Variants in DYM observed in about 807,000 individuals in gnomAD.
DYM encodes the protein dyggve-Melchior-Clausen syndrome protein.
Under a neutral mutation model 93.1 loss-of-function variants are expected in DYM, and 78 were observed. That is an observed-to-expected ratio of 0.84 (90% CI 0.70 to 1.01). The LOEUF (loss-of-function observed/expected upper bound fraction) is 1.01. Ranked by LOEUF, DYM falls within the 50% of genes least tolerant of loss-of-function variation. The pLI, the probability that DYM is intolerant of heterozygous loss-of-function variation, is 0.00. For missense variants in DYM, 789 were observed against 845.0 expected (o/e 0.93, Z 0.82); for synonymous variants, 321 against 319.7 (o/e 1.00, Z -0.04).
At chr18:49,221,901 TGTA>T (rs945516808) in intron 13 of DYM, among the ~76,000 whole-genome samples, 92 of 151,672 alleles carry the variant, frequency 6.1e-4, no homozygotes, top group African/African-American at 2.2e-3. Context: ...AAACTTAAAC[TGTA>T]ATAATAATAA....
chr18:49,266,269 C>T (rs755229377), intron 11 of DYM, among the ~76,000 whole-genome samples: 1 of 152,152 alleles, frequency 6.6e-6, no homozygotes, highest in African/African-American at 2.4e-5. Context: ...ATTCTAACAT[C>T]TTAGCTTTCC....
chr18:49,120,862 G>A (rs1270100656), intron 15 of DYM, among the ~76,000 whole-genome samples: 1 of 152,032 alleles, frequency 6.6e-6, no homozygotes, highest in Non-Finnish European at 1.5e-5. Flanking sequence ...CACCTAGGCT[G>A]GAGTGCAGTG....
Position 49,038,925 on chromosome 18 carries a change from A to G in DYM, c.*5130T>C, listed in dbSNP as rs564789548. 6.6e-6 allele frequency among the ~76,000 whole-genome samples: 1 copy of G among 152,326 alleles called. No homozygotes were observed. Among genetic ancestry groups the G allele is most frequent in the Admixed American group, 6.5e-5 (1 of 15,302 alleles). ...CCCACATAAATCCTTTCATTTTCAT[A>G]CATTTTATTTCTCTATATATTTAAA... is the stretch of plus-strand genomic sequence containing the variant. On this transcript the variant is annotated 3_prime_UTR_variant, in exon 18 of 18. Transcript: ENST00000675505.
rs536490945 is a variant in DYM at position 49,362,394 on chromosome 18, G to A, written c.494+767C>T. 2.0e-5 allele frequency among the ~76,000 whole-genome samples: 3 copies of A among 152,212 alleles called. No individual in the cohort carries two copies. The South Asian group carries it at 6.2e-4, about 32-fold the overall frequency. ...TTTCGAATCACAAAGGAATTGCATT[G>A]AGCTGCAGTGACAGAAGCCCAGTTA... is the stretch of plus-strand genomic sequence containing the variant. On this transcript the variant is annotated intron_variant, in intron 6 of 17. Transcript: ENST00000675505.
intron 17 of DYM, among the ~76,000 whole-genome samples, chr18:49,073,248 C>T (rs2077035068): frequency 6.6e-6 from 1 of 152,116 alleles, no homozygotes; most frequent in South Asian, 2.1e-4. Context: ...AACTAAAAGG[C>T]AATTCTCATA....
chr18:49,418,602 C>T (rs1327881182), intron 2 of DYM, among the ~76,000 whole-genome samples: 1 of 152,150 alleles, frequency 6.6e-6, no homozygotes, highest in East Asian at 1.9e-4. Flanking sequence ...CTAAAAATTG[C>T]AGCAAACATC....
In DYM at chr18:49,043,902, C is replaced by T. The variant is rs1386049242; in HGVS notation, c.*153G>A. 4.4e-6 allele frequency: 4 copies of T among 916,076 alleles called. No homozygotes were observed. The highest frequency in any genetic ancestry group is 6.7e-6 in the Non-Finnish European group (4 of 595,416). The allele number at this position is 916,076 out of a possible 1,614,324, so 56.7% of individuals were successfully genotyped here. A position where few individuals can be genotyped will look rare whatever the true frequency, so the allele number is the denominator to read the frequency against. ...TCTATTGCCAACTAGCACCAATTCT[C>T]CAAATCAAAGTGTGTGAGGAAAACA... On this transcript the variant is annotated 3_prime_UTR_variant, in exon 18 of 18. Coordinates refer to ENST00000675505, the MANE Select transcript of DYM (RefSeq NM_001353214.3).
rs1325862395 is a variant in DYM, at chr18:49,430,365, A to AGTT, written c.29_30insAAC (p.Asp10delinsGluThr). On this transcript the variant is annotated protein_altering_variant, in exon 2 of 18. Coordinates refer to ENST00000675505, the MANE Select transcript of DYM (RefSeq NM_001353214.3). ...TTTTCAAGTACTCATTTTTAGGAAG[A>AGTT]TCGCCGATTCTGCTGCTATTCGATC... The AGTT allele has an allele frequency of 4.3e-6, 7 of 1,613,850 alleles. No homozygotes were observed. Among genetic ancestry groups the AGTT allele is most frequent in the Non-Finnish European group, 5.9e-6 (7 of 1,180,008 alleles).
intron 17 of DYM, among the ~76,000 whole-genome samples, chr18:49,073,072 C>T (rs773137928): frequency 3.3e-5 from 5 of 152,130 alleles, no homozygotes; most frequent in Non-Finnish European, 5.9e-5. Context: ...TGAACACATA[C>T]GTGGATAAAT....
chr18:49,351,223 A>T (rs994024923), intron 6 of DYM, among the ~76,000 whole-genome samples: 8 of 152,106 alleles, frequency 5.3e-5, no homozygotes, highest in Admixed American at 5.2e-4. Context: ...GGAGCTCAAG[A>T]CCAGCCTGGC....
intron 5 of DYM, among the ~76,000 whole-genome samples, chr18:49,373,745 C>T (rs931408952): frequency 5.9e-5 from 9 of 152,150 alleles, no homozygotes; most frequent in African/African-American, 2.2e-4. Context: ...TAAAAATATG[C>T]ACATTTTGTA....
chr18:49,152,757 G>A (rs955238923), intron 15 of DYM, among the ~76,000 whole-genome samples: 4 of 152,158 alleles, frequency 2.6e-5, no homozygotes, highest in Non-Finnish European at 4.4e-5. Context: ...GAAAGAAAAC[G>A]TGGTGCATAT....
chr18:49,127,496 T>C (rs1024527269), intron 15 of DYM, among the ~76,000 whole-genome samples: 7 of 152,228 alleles, frequency 4.6e-5, no homozygotes, highest in Non-Finnish European at 7.3e-5. Flanking sequence ...ATGTATCTTG[T>C]TTGTATTAGT....
chr18:49,423,378 G>A (rs1315343334), intron 2 of DYM, among the ~76,000 whole-genome samples: 1 of 152,088 alleles, frequency 6.6e-6, no homozygotes, highest in Non-Finnish European at 1.5e-5. Context: ...CAGAATCTCT[G>A]GGACACATTT....
At chr18:49,449,785 T>C (rs976580430) in intron 1 of DYM, among the ~76,000 whole-genome samples, 1 of 152,204 alleles carries the variant, frequency 6.6e-6, no homozygotes, top group Admixed American at 6.5e-5. Flanking sequence ...TGTGTGTCTT[T>C]CTGTAGCGTT....
chr18:49,169,317 T>G (rs1009832706), intron 14 of DYM, among the ~76,000 whole-genome samples: 7 of 152,086 alleles, frequency 4.6e-5, no homozygotes, highest in African/African-American at 1.2e-4. Flanking sequence ...TAAGAAACAA[T>G]TAGGAGTCAG....
intron 2 of DYM, among the ~76,000 whole-genome samples, chr18:49,401,630 TCTCTCTCACACACACG>T (rs1311138071): frequency 6.6e-6 from 1 of 151,966 alleles, no homozygotes; most frequent in Admixed American, 6.6e-5. Flanking sequence ...TCTCTCTCTC[TCTCTCTCACACACACG>T]CACACACACA....
In DYM at chr18:49,256,447, A is replaced by G. The variant is rs2094395478; in HGVS notation, c.1460+563T>C. On this transcript the variant is annotated intron_variant, in intron 13 of 17. Coordinates refer to ENST00000675505, the MANE Select transcript of DYM (RefSeq NM_001353214.3). ...GCAGGCAGCCTCCAACACCTAGAAG[A>G]GGCATGGAAACAGATTCTCCTTTAC... Among the ~76,000 whole-genome samples the G allele has an allele frequency of 3.3e-5, 5 of 152,200 alleles. No individual in the cohort carries two copies. The South Asian group carries it at 1.0e-3, about 32-fold the overall frequency.
intron 16 of DYM, among the ~76,000 whole-genome samples, chr18:49,111,505 G>A (rs2081389015): frequency 6.6e-6 from 1 of 152,024 alleles, no homozygotes; most frequent in African/African-American, 2.4e-5. Flanking sequence ...GATAAATTAG[G>A]GCACATCTCT....
Sources: allele counts gnomAD v4.1 joint callset (sites outside exome capture counted in the v4.1 genomes callset), GRCh38; gene constraint gnomAD v4.1.1; transcripts MANE v1.5; gene names NCBI Gene and HGNC (gene_info 2026-07-23, HGNC 2026-07-21).